Variants in MRPL18 observed in about 807,000 individuals in gnomAD.
The protein encoded by MRPL18 is mitochondrial ribosomal protein L18, also known as large ribosomal subunit protein uL18m.
Under a neutral mutation model 20.9 loss-of-function variants are expected in MRPL18, and 16 were observed. The observed-to-expected ratio is 0.76, with a 90% CI of 0.52 to 1.16. MRPL18 has a LOEUF of 1.16. Ranked by LOEUF, MRPL18 falls within the 50% of genes most tolerant of loss-of-function variation. The pLI is 0.00. For missense variants in MRPL18, 233 were observed against 230.6 expected, an observed-to-expected ratio of 1.01 and a Z score of -0.07; for synonymous variants, 91 against 87.1, an observed-to-expected ratio of 1.04 and a Z score of -0.25.
At chr6:159,791,777 C>T (rs1185837418) in intron 2 of MRPL18, among the ~76,000 whole-genome samples, 3 of 152,030 alleles carry the variant, frequency 2.0e-5, no homozygotes, top group African/African-American at 7.2e-5. Context: ...TGGTGGTGCA[C>T]GCCTGTAATC....
rs376670633 is a variant in MRPL18, at chr6:159,797,359, G to A, written c.312G>A (p.Ser104=). The change falls in exon 3 of 4, where the codon TCG becomes TCA. Residue 104 remains serine (S), a synonymous_variant. Transcript: ENST00000367034. ...ATCAGAATGGCAAGGTTGTGGTTTC[G>A]GCCTCCACTCGTGAGTGGGCTATTA... is the stretch of plus-strand genomic sequence containing the variant. ...VEHQNGKVVV[S]ASTREWAIKK... 5 of 1,613,934 alleles carry A rather than the reference G, an allele frequency of 3.1e-6. No homozygotes were observed. Among genetic ancestry groups the A allele is most frequent in the Middle Eastern group, 1.6e-4 (1 of 6,084 alleles).
At chr6:159,790,392 A>AGC, upstream of MRPL18, 1 of 671,460 alleles carries the variant, frequency 1.5e-6, no homozygotes, top group South Asian at 1.8e-5. Flanking sequence ...ATTGGCGATG[A>AGC]AGGATAACAG....
upstream of MRPL18, chr6:159,790,393 A>G (rs1040725352): frequency 5.0e-5 from 34 of 673,934 alleles, no homozygotes; most frequent in Non-Finnish European, 8.4e-5. Context: ...TTGGCGATGA[A>G]GGATAACAGA....
Position 159,798,190 on chromosome 6 carries a change from A to T in MRPL18, c.*67A>T, listed in dbSNP as rs1781088482. On this transcript the variant is annotated 3_prime_UTR_variant, in exon 4 of 4. Transcript: ENST00000367034. The stretch of plus-strand genomic sequence containing the variant: ...TCAGCCACTACAGCCATCAAAAGAG[A>T]GCATCTGGAAGAACAGCCAGCTTGG... The T allele has an allele frequency of 5.3e-6, 7 of 1,313,912 alleles. No individual in the cohort carries two copies. In the South Asian group the frequency reaches 7.6e-5, roughly 14 times the overall value. The allele number at this position is 1,313,912 out of a possible 1,614,324, so 81.4% of individuals were successfully genotyped here.
intron 2 of MRPL18, among the ~76,000 whole-genome samples, chr6:159,796,068 A>T (rs146288778): frequency 6.6e-6 from 1 of 150,480 alleles, no homozygotes; most frequent in Non-Finnish European, 1.5e-5. Flanking sequence ...TACAAGCTTG[A>T]GTCACATGCC....
At chr6:159,791,290 A>C (rs1023956690) in intron 2 of MRPL18, among the ~76,000 whole-genome samples, 164 bp downstream of exon 2, 2 of 152,174 alleles carry the variant, frequency 1.3e-5, no homozygotes, top group African/African-American at 2.4e-5. Flanking sequence ...GGGCTATTTA[A>C]AGAGGATGTT....
chr6:159,795,069 A>G (rs2115009819), intron 2 of MRPL18, among the ~76,000 whole-genome samples: 1 of 152,300 alleles, frequency 6.6e-6, no homozygotes, highest in East Asian at 1.9e-4. Context: ...TAAACATCTC[A>G]ATGCTTTACA....
intron 1 of MRPL18, 34 bp downstream of exon 1, chr6:159,790,673 T>C: frequency 2.5e-6 from 4 of 1,612,148 alleles, no homozygotes; most frequent in Non-Finnish European, 3.4e-6. Flanking sequence ...CCCAGCTCAC[T>C]CGCCTGGGCT....
In MRPL18 at chr6:159,790,723, C is replaced by G; in HGVS notation, c.52+84C>G. The G allele has an allele frequency of 3.2e-6, 5 of 1,559,816 alleles. No individual in the cohort carries two copies. In the South Asian group the frequency reaches 4.5e-5, roughly 14 times the overall value. On this transcript the variant is annotated intron_variant, in intron 1 of 3. Coordinates refer to ENST00000367034, the MANE Select transcript of MRPL18 (RefSeq NM_014161.5). ...GAACGTGCGGGTTCTATTTTGTATT[C>G]GACGTGCCGGATCGAAATAGAGCTC...
intron 2 of MRPL18, among the ~76,000 whole-genome samples, 182 bp downstream of exon 2, chr6:159,791,308 C>T (rs1780891390): frequency 6.6e-6 from 1 of 152,128 alleles, no homozygotes; most frequent in Non-Finnish European, 1.5e-5. Flanking sequence ...GTTACAGTAG[C>T]GGACAGGATA....
intron 2 of MRPL18, among the ~76,000 whole-genome samples, chr6:159,795,449 G>A (rs1024782758): frequency 7.0e-6 from 1 of 143,306 alleles, no homozygotes; most frequent in Non-Finnish European, 1.5e-5. Flanking sequence ...GAGTGGTGAT[G>A]ACTCTTAACG....
At chr6:159,790,024 A>G, upstream of MRPL18, 1 of 171,536 alleles carries the variant, frequency 5.8e-6, no homozygotes, top group Non-Finnish European at 1.3e-5. Flanking sequence ...GGGGAGCGTG[A>G]GGCAGATCGG....
At chr6:159,796,149 T>TTTTA (rs951607580) in intron 2 of MRPL18, among the ~76,000 whole-genome samples, 2 of 126,498 alleles carry the variant, frequency 1.6e-5, no homozygotes, top group African/African-American at 5.7e-5. Context: ...TTTTTTTTTT[T>TTTTA]AACCATGCAG....
At chr6:159,790,434 CT>C (rs1173491590), upstream of MRPL18, 27 of 878,220 alleles carry the variant, frequency 3.1e-5, no homozygotes, top group Admixed American at 1.9e-4. Context: ...TGGCAGGGGA[CT>C]TGCTACTTCC....
At chr6:159,797,638 T>G (rs2115013085) in intron 3 of MRPL18, 120 bp downstream of exon 3, 4 of 868,324 alleles carry the variant, frequency 4.6e-6, no homozygotes, top group Non-Finnish European at 7.2e-6. Flanking sequence ...GACCCTTTGG[T>G]GAGTACTCAA....
At chr6:159,795,990 G>T (rs1360185276) in intron 2 of MRPL18, among the ~76,000 whole-genome samples, 3 of 152,060 alleles carry the variant, frequency 2.0e-5, no homozygotes, top group African/African-American at 7.2e-5. Flanking sequence ...TCACTGTGTT[G>T]CCTGGGCTGG....
At chr6:159,789,940 C>T (rs577144227), upstream of MRPL18, 28 of 187,214 alleles carry the variant, frequency 1.5e-4, no homozygotes, top group Admixed American at 4.3e-4. Flanking sequence ...GGGGCGGGCC[C>T]TTCTCCAAGT....
Position 159,790,561 on chromosome 6 carries a change from C to A in MRPL18, c.-27C>A. 6.2e-7 allele frequency: 1 copy of A among 1,614,014 alleles called. No homozygotes were observed. Among genetic ancestry groups the A allele is most frequent in the Non-Finnish European group, 8.5e-7 (1 of 1,179,992 alleles). On this transcript the variant is annotated 5_prime_UTR_variant, in exon 1 of 4. Transcript: ENST00000367034. ...TGAGTCGTCCGTGAGGAAAAAGAGG[C>A]GAGGCTTTTCCGAGATCGTCTCAGC...
chr6:159,793,789 GTAGTCCCAGCTAC>G (rs1780966332), intron 2 of MRPL18, among the ~76,000 whole-genome samples: 1 of 152,126 alleles, frequency 6.6e-6, no homozygotes, highest in African/African-American at 2.4e-5. Flanking sequence ...GCAGGCACCT[GTAGTCCCAGCTAC>G]TAGGGAGGCT....
Sources: allele counts gnomAD v4.1 joint callset (sites outside exome capture counted in the v4.1 genomes callset), GRCh38; gene constraint gnomAD v4.1.1; transcripts MANE v1.5; gene names NCBI Gene and HGNC (gene_info 2026-07-23, HGNC 2026-07-21).